Variants in RNGTT observed in about 807,000 individuals in gnomAD.
The protein encoded by RNGTT is RNA guanylyltransferase and 5'-phosphatase, also known as mRNA-capping enzyme.
In RNGTT, 33 loss-of-function variants were observed where a neutral mutation model predicts 79.3. That is an observed-to-expected ratio of 0.42 (90% CI 0.32 to 0.56). RNGTT has a LOEUF of 0.56. RNGTT is among the 20% of genes least tolerant of loss of function. The pLI, the probability that RNGTT is intolerant of heterozygous loss-of-function variation, is 0.17. For synonymous variants in RNGTT, 222 were observed against 235.9 expected, an observed-to-expected ratio of 0.94 and a Z score of 0.54; for missense variants, 497 against 739.1, an observed-to-expected ratio of 0.67 and a Z score of 3.80.
intron 8 of RNGTT, among the ~76,000 whole-genome samples, chr6:88,863,566 G>A (rs970401221): frequency 8.6e-5 from 13 of 151,982 alleles, no homozygotes; most frequent in African/African-American, 3.1e-4. Context: ...ATTATTAATC[G>A]TCTTCAAAGT....
intron 14 of RNGTT, among the ~76,000 whole-genome samples, chr6:88,623,941 T>C (rs1772532187): frequency 6.6e-6 from 1 of 152,018 alleles, no homozygotes; most frequent in Non-Finnish European, 1.5e-5. Context: ...TGAATTTCTA[T>C]ATACCAACAA....
At chr6:88,961,601 T>C (rs542187581) in intron 1 of RNGTT, among the ~76,000 whole-genome samples, 126 of 152,350 alleles carry the variant, frequency 8.3e-4, no homozygotes, top group African/African-American at 2.9e-3. Context: ...CACGCCATCA[T>C]AGCTTTTTGG....
intron 12 of RNGTT, among the ~76,000 whole-genome samples, chr6:88,786,812 A>G (rs1295648334): frequency 2.6e-5 from 4 of 152,198 alleles, no homozygotes; most frequent in African/African-American, 9.7e-5. Flanking sequence ...CAAAACTCCT[A>G]TGTTTAAATC....
At position 88,628,192 on chromosome 6, in the gene RNGTT, C is replaced by T. The variant is rs540436967; in HGVS notation, c.1507-13797G>A. ...TTTTCCTCATCAGCTCCAGGTATAG[C>T]GGCTATTTAAAAAGCCACTCAGAAA... On this transcript the variant is annotated intron_variant, in intron 14 of 15. Coordinates refer to ENST00000369485, the MANE Select transcript of RNGTT (RefSeq NM_003800.5). Among the ~76,000 whole-genome samples the T allele has an allele frequency of 3.2e-3, 492 of 152,098 alleles. 5 individuals are homozygous for T. Among genetic ancestry groups the T allele is most frequent in the African/African-American group, 0.011 (471 of 41,502 alleles).
chr6:88,830,976 C>A (rs1026154927), intron 11 of RNGTT, among the ~76,000 whole-genome samples: 1 of 152,116 alleles, frequency 6.6e-6, no homozygotes, highest in African/African-American at 2.4e-5. Flanking sequence ...AGCCCAGGAC[C>A]GGACAGATTC....
At chr6:88,888,004 C>T (rs1244868055) in intron 8 of RNGTT, among the ~76,000 whole-genome samples, 1 of 152,088 alleles carries the variant, frequency 6.6e-6, no homozygotes, top group Non-Finnish European at 1.5e-5. Flanking sequence ...GTAATCCCAG[C>T]GACTCTGGAG....
At chr6:88,698,218 A>ATGC (rs1318955128) in intron 13 of RNGTT, among the ~76,000 whole-genome samples, 9 of 109,130 alleles carry the variant, frequency 8.2e-5, no homozygotes, top group African/African-American at 4.9e-4. Flanking sequence ...TGAAATATAT[A>ATGC]TATCATATAT....
chr6:88,963,617 G>A lies in RNGTT; in HGVS notation c.-208C>T. 2.2e-6 allele frequency: 1 copy of A among 459,630 alleles called. No individual in the cohort carries two copies. Among genetic ancestry groups the A allele is most frequent in the Non-Finnish European group, 3.8e-6 (1 of 261,698 alleles). The allele number at this position is 459,630 out of a possible 1,614,324, so 28.5% of individuals were successfully genotyped here. A position where few individuals can be genotyped will look rare whatever the true frequency, so the allele number is the denominator to read the frequency against. ...CCACAGCTCCAGGAGAACCCACAAT[G>A]CACCGCAACTTCCGCCCCCGAAAGC... On this transcript the variant is annotated 5_prime_UTR_variant, in exon 1 of 16. Coordinates refer to ENST00000369485, the MANE Select transcript of RNGTT (RefSeq NM_003800.5).
chr6:88,821,862 T>C (rs2127880327), intron 11 of RNGTT, among the ~76,000 whole-genome samples: 1 of 151,256 alleles, frequency 6.6e-6, no homozygotes, highest in East Asian at 1.9e-4. Flanking sequence ...TGTTTATAAC[T>C]GATGATATAT....
intron 4 of RNGTT, among the ~76,000 whole-genome samples, chr6:88,918,240 T>C (rs1231887828): frequency 2.6e-5 from 4 of 151,864 alleles, no homozygotes; most frequent in African/African-American, 9.7e-5. Context: ...GGAAGATTGC[T>C]CGAGACCAGG....
At chr6:88,842,861 C>T (rs980006200) in intron 11 of RNGTT, among the ~76,000 whole-genome samples, 1 of 151,980 alleles carries the variant, frequency 6.6e-6, no homozygotes, top group East Asian at 1.9e-4. Flanking sequence ...CACTTGAGCC[C>T]AGGAGTTGGA....
intron 8 of RNGTT, among the ~76,000 whole-genome samples, chr6:88,871,528 C>T (rs541720558): frequency 3.2e-4 from 49 of 152,192 alleles, no homozygotes; most frequent in Non-Finnish European, 6.9e-4. Context: ...TTGTATGTCA[C>T]CTCTTGGGCT....
chr6:88,826,856 A>ATATATATATATATATATGTGTGTGTG lies in RNGTT; in HGVS notation c.1269+17500_1269+17501insCACACACACATATATATATATATATA, dbSNP rs1562272620. Reference sequence around the variant, plus strand: ...TATATATATATATATGTGTGTGTGTATATATATATATATAATATACTATAA... The same window carrying ATATATATATATATATATGTGTGTGTG: ...TATATATATATATATGTGTGTGTGTATATATATATATATATATGTGTGTGTGTATATATATATATAATATACTATAA... On this transcript the variant is annotated intron_variant, in intron 11 of 15. Coordinates refer to ENST00000369485, the MANE Select transcript of RNGTT (RefSeq NM_003800.5). 7.9e-4 allele frequency among the ~76,000 whole-genome samples: 109 copies of ATATATATATATATATATGTGTGTGTG among 138,516 alleles called. 1 individual carries two copies. Among genetic ancestry groups the ATATATATATATATATATGTGTGTGTG allele is most frequent in the African/African-American group, 2.8e-3 (95 of 34,204 alleles). 90.9% of individuals were successfully genotyped at this position (138,516 alleles called of 152,430 possible).
chr6:88,963,540 T>C lies in RNGTT; in HGVS notation c.-131A>G. 1 of 822,288 alleles carries C rather than the reference T, an allele frequency of 1.2e-6. No homozygotes were observed. Among genetic ancestry groups the C allele is most frequent in the Non-Finnish European group, 1.8e-6 (1 of 561,508 alleles). The allele number at this position is 822,288 out of a possible 1,614,324, so 50.9% of individuals were successfully genotyped here. On this transcript the variant is annotated 5_prime_UTR_variant, in exon 1 of 16. Coordinates refer to ENST00000369485, the MANE Select transcript of RNGTT (RefSeq NM_003800.5). Reference sequence around the variant, plus strand: ...CAGCCGTAATCTGAATTCCAACCTCTCCGATCCGGGTAACGTCAGGGGCGG... The same window carrying C: ...CAGCCGTAATCTGAATTCCAACCTCCCCGATCCGGGTAACGTCAGGGGCGG...
chr6:88,680,760 C>T (rs1045660311), intron 13 of RNGTT, among the ~76,000 whole-genome samples: 1 of 145,440 alleles, frequency 6.9e-6, no homozygotes, highest in Non-Finnish European at 1.5e-5. Context: ...AAAAAAAAAG[C>T]CTACAAAGTA....
chr6:88,961,805 C>G (rs1236469392), intron 1 of RNGTT, among the ~76,000 whole-genome samples: 1 of 152,174 alleles, frequency 6.6e-6, no homozygotes, highest in African/African-American at 2.4e-5. Flanking sequence ...TAGAGACTTA[C>G]ACAAGAGAAA....
At chr6:88,770,916 G>GTCTGTTCA (rs1302348018) in intron 12 of RNGTT, among the ~76,000 whole-genome samples, 5 of 152,038 alleles carry the variant, frequency 3.3e-5, no homozygotes, top group Non-Finnish European at 7.4e-5. Flanking sequence ...TTGGTGAAGT[G>GTCTGTTCA]TCTGTTCAAA....
At position 88,907,451 on chromosome 6, in the gene RNGTT, C is replaced by T. The variant is rs557411828; in HGVS notation, c.368-1011G>A. On this transcript the variant is annotated intron_variant, in intron 4 of 15. Coordinates refer to ENST00000369485, the MANE Select transcript of RNGTT (RefSeq NM_003800.5). ...TGACAGTTCCTCCTTCACATGCCCT[C>T]TCTCTTTTCTCACCACTTAAGACGT... Among the ~76,000 whole-genome samples, 3 of 152,232 alleles carry T rather than the reference C, an allele frequency of 2.0e-5. No homozygotes were observed. The East Asian group carries it at 5.8e-4, about 29-fold the overall frequency.
At chr6:88,730,651 C>T (rs530970441) in intron 13 of RNGTT, among the ~76,000 whole-genome samples, 3 of 152,360 alleles carry the variant, frequency 2.0e-5, no homozygotes, top group African/African-American at 7.2e-5. Flanking sequence ...TCCTGCTGCG[C>T]AGCCCAGTTC....
Sources: gnomAD v4.1 joint callset for allele counts (sites outside exome capture counted in the v4.1 genomes callset) on GRCh38, gnomAD v4.1.1 for gene constraint, MANE v1.5 for transcripts, NCBI Gene and HGNC (gene_info 2026-07-23, HGNC 2026-07-21) for gene names.